HNF4A: variants seen among roughly 807,000 people sequenced by gnomAD.
HNF4A encodes the protein hepatocyte nuclear factor 4 alpha.
HNF4A carries 15 observed loss-of-function variants against 52.4 expected under a neutral mutation model. The observed-to-expected ratio is 0.29, with a 90% CI of 0.19 to 0.44. The LOEUF is 0.44. Among genes scored for constraint, HNF4A ranks in the 20% least tolerant of loss-of-function variants. The probability of loss-of-function intolerance (pLI) is 1.00; values close to 1 mark genes in which losing one functional copy is unlikely to be tolerated. For synonymous variants in HNF4A, 280 were observed against 264.4 expected (o/e 1.06, Z -0.57); for missense variants, 479 against 647.2 (o/e 0.74, Z 2.82).
At chr20:44,402,687 G>C in intron 1 of HNF4A, 2 of 1,203,110 alleles carry the variant, frequency 1.7e-6, no homozygotes, top group Non-Finnish European at 2.2e-6. Context: ...CTGGAGGGAA[G>C]AGCCCCATCG....
chr20:44,370,189 G>A (rs1366337787), intron 1 of HNF4A, among the ~76,000 whole-genome samples: 2 of 152,142 alleles, frequency 1.3e-5, no homozygotes, highest in Admixed American at 1.3e-4. Context: ...CACTGCGCCC[G>A]GCTAATTTTT....
intron 1 of HNF4A, among the ~76,000 whole-genome samples, chr20:44,378,062 G>A (rs2063105188): frequency 6.6e-6 from 1 of 152,148 alleles, no homozygotes; most frequent in African/African-American, 2.4e-5. Flanking sequence ...ACTTGATTTT[G>A]TAAGATACTG....
At chr20:44,371,870 T>G (rs571912584) in intron 1 of HNF4A, among the ~76,000 whole-genome samples, 2 of 152,162 alleles carry the variant, frequency 1.3e-5, no homozygotes, top group East Asian at 3.9e-4. Flanking sequence ...TTAAAAAAAG[T>G]GAAGGTCTAG....
At position 44,387,658 on chromosome 20, in the gene HNF4A, G is replaced by GGC. The variant is rs2063243983; in HGVS notation, c.50-18399_50-18398insCG. On this transcript the variant is annotated intron_variant, in intron 1 of 9. Coordinates refer to the HNF4A transcript ENST00000316673. The stretch of plus-strand genomic sequence containing the variant: ...GAAGGGGTGGGGTGGAGGCAGGCGG[G>GGC]GGGGGGGGGAGGCGGGGGGGGCGGT... 3.4e-5 allele frequency among the ~76,000 whole-genome samples: 3 copies of GGC among 87,934 alleles called. 1 individual carries two copies. The highest frequency in any genetic ancestry group is 7.4e-5 in the Non-Finnish European group (3 of 40,526). The allele number at this position is 87,934 out of a possible 152,430, so 57.7% of individuals were successfully genotyped here.
chr20:44,412,454 C>A (rs921541117), intron 3 of HNF4A, among the ~76,000 whole-genome samples: 1 of 152,048 alleles, frequency 6.6e-6, no homozygotes, highest in African/African-American at 2.4e-5. Flanking sequence ...AGCCTACAAG[C>A]GTGCGGATGC....
intron 7 of HNF4A, among the ~76,000 whole-genome samples, chr20:44,420,645 G>A (rs895605941): frequency 6.6e-6 from 1 of 151,976 alleles, no homozygotes; most frequent in African/African-American, 2.4e-5. Context: ...GCCAGGGATA[G>A]TGGTGAGCAC....
At chr20:44,394,598 C>G (rs897797180) in intron 1 of HNF4A, among the ~76,000 whole-genome samples, 1 of 152,202 alleles carries the variant, frequency 6.6e-6, no homozygotes, top group Non-Finnish European at 1.5e-5. Context: ...TTGGAAAGCT[C>G]TCCCCCAGCT....
chr20:44,356,011 T>G (rs1388581945), intron 1 of HNF4A, among the ~76,000 whole-genome samples, 158 bp downstream of exon 1: 5 of 150,588 alleles, frequency 3.3e-5, no homozygotes. Context: ...ACCGCTTCCC[T>G]AAGCTCTCAA....
At chr20:44,405,124 T>C (rs1407902270) in intron 1 of HNF4A, among the ~76,000 whole-genome samples, 1 of 32,640 alleles carries the variant, frequency 3.1e-5, no homozygotes, top group East Asian at 1.1e-3. Flanking sequence ...TGCGTGTGTG[T>C]GGACTGTGTG....
intron 1 of HNF4A, among the ~76,000 whole-genome samples, chr20:44,402,148 T>C (rs1002962290): frequency 2.6e-5 from 4 of 152,122 alleles, no homozygotes; most frequent in African/African-American, 9.7e-5. Flanking sequence ...TGTCTCTGTG[T>C]GTGAGTTCTG....
chr20:44,370,120 G>A (rs967020698), intron 1 of HNF4A, among the ~76,000 whole-genome samples: 1 of 152,052 alleles, frequency 6.6e-6, no homozygotes, highest in South Asian at 2.1e-4. Flanking sequence ...TCCGCCTCCC[G>A]GGTTCACGCC....
chr20:44,386,311 G>C (rs1280417415), intron 1 of HNF4A, among the ~76,000 whole-genome samples: 5 of 151,756 alleles, frequency 3.3e-5, no homozygotes, highest in African/African-American at 4.8e-5. Context: ...GGGATTACAG[G>C]CATGTGCTAC....
At chr20:44,367,335 CA>C (rs1211796695) in intron 1 of HNF4A, among the ~76,000 whole-genome samples, 964 of 80,388 alleles carry the variant, frequency 0.012, 3 homozygotes, top group Middle Eastern at 0.023. Context: ...AACTCTGTCT[CA>C]AAAAAAAAAA....
rs745975 is a variant in HNF4A, at chr20:44,406,053, C to T, written c.116-5C>T. 354,367 of 1,609,480 alleles carry T rather than the reference C, an allele frequency of 0.22. 40,880 individuals carry two copies. The highest frequency in any genetic ancestry group is 0.24 in the South Asian group (21,531 of 90,968). On this transcript the variant is annotated splice_region_variant and splice_polypyrimidine_tract_variant and intron_variant, in intron 1 of 9. Coordinates refer to ENST00000316099, the MANE Select transcript of HNF4A (RefSeq NM_000457.6). The stretch of plus-strand genomic sequence containing the variant: ...GAAGCCTCACTCCCTTCTCTCCTGG[C>T]GCAGACACGTCCCCATCAGAAGGCA...
At chr20:44,408,050 ATTTATT>A (rs1338363790) in intron 3 of HNF4A, 57 of 171,856 alleles carry the variant, frequency 3.3e-4, no homozygotes, top group Middle Eastern at 2.2e-3. Flanking sequence ...AGAGCACAAC[ATTTATT>A]AAGGTCTTGC....
chr20:44,388,369 A>C (rs1181515957), intron 1 of HNF4A, among the ~76,000 whole-genome samples: 1 of 98,164 alleles, frequency 1.0e-5, no homozygotes, highest in Admixed American at 9.4e-5. Flanking sequence ...ACCTTCCTCA[A>C]AGACCCCCCC....
intron 5 of HNF4A, among the ~76,000 whole-genome samples, chr20:44,418,060 A>G (rs1288366861): frequency 6.6e-6 from 1 of 152,010 alleles, no homozygotes; most frequent in Non-Finnish European, 1.5e-5. Flanking sequence ...TGGGACCCAC[A>G]GTTTTGGAAC....
chr20:44,371,662 TA>T (rs2063035367), intron 1 of HNF4A, among the ~76,000 whole-genome samples: 1 of 151,826 alleles, frequency 6.6e-6, no homozygotes, highest in South Asian at 2.1e-4. Context: ...CCATCTCTAC[TA>T]AAAATGCAAA....
intron 1 of HNF4A, among the ~76,000 whole-genome samples, chr20:44,374,019 G>A (rs2063060015): frequency 6.6e-6 from 1 of 152,040 alleles, no homozygotes; most frequent in Non-Finnish European, 1.5e-5. Context: ...AGATTCAGGG[G>A]GTACATGTAC....
Sources: allele counts gnomAD v4.1 joint callset (sites outside exome capture counted in the v4.1 genomes callset), GRCh38; gene constraint gnomAD v4.1.1; transcripts MANE v1.5; gene names NCBI Gene and HGNC (gene_info 2026-07-23, HGNC 2026-07-21).